Variants in KAZN observed in about 807,000 individuals in gnomAD.
KAZN encodes the protein kazrin.
In KAZN, 40 loss-of-function variants were observed where a neutral mutation model predicts 87.4. That is an observed-to-expected ratio of 0.46 (90% CI 0.36 to 0.60). The LOEUF (loss-of-function observed/expected upper bound fraction) is 0.60, where lower values mean the gene tolerates loss of function less well. Among genes scored for constraint, KAZN ranks in the 20% least tolerant of loss-of-function variants. The pLI, the probability that KAZN is intolerant of heterozygous loss-of-function variation, is 0.00. For synonymous variants in KAZN, 466 were observed against 458.3 expected (o/e 1.02, Z -0.22); for missense variants, 898 against 1,073.9 (o/e 0.84, Z 2.29).
chr1:14,285,786 T>C (rs1653200351), intron 2 of KAZN, among the ~76,000 whole-genome samples: 1 of 152,152 alleles, frequency 6.6e-6, no homozygotes, highest in South Asian at 2.1e-4. Flanking sequence ...GCAGATTATA[T>C]AGCAAATCCT....
At chr1:14,320,210 A>G in intron 2 of KAZN, among the ~76,000 whole-genome samples, 1 of 152,174 alleles carries the variant, frequency 6.6e-6, no homozygotes, top group Non-Finnish European at 1.5e-5. Flanking sequence ...ATGAGGAGGC[A>G]GGGAAGCGCA....
intron 2 of KAZN, among the ~76,000 whole-genome samples, chr1:14,436,581 G>A (rs889850436): frequency 1.3e-5 from 2 of 151,942 alleles, no homozygotes; most frequent in African/African-American, 4.8e-5. Context: ...AGCCAGGTGT[G>A]GTGGCAGGCA....
rs544490513 is a variant in KAZN at position 14,769,782 on chromosome 1, A to G, written c.226+170559A>G. ...ATTGACCATCCTCTGTGTGCTGCCAATGAGATTCCAGTGATAAATTACAGA... is the reference window on the plus strand; with the variant it reads ...ATTGACCATCCTCTGTGTGCTGCCAGTGAGATTCCAGTGATAAATTACAGA... On this transcript the variant is annotated intron_variant, in intron 1 of 14. Coordinates refer to ENST00000376030, the MANE Select transcript of KAZN (RefSeq NM_201628.3). The surrounding 1 kb of genome is among the most constrained non-coding windows in gnomAD (Gnocchi z 4.1). 1.3e-5 allele frequency among the ~76,000 whole-genome samples: 2 copies of G among 152,318 alleles called. No individual in the cohort carries two copies. Among genetic ancestry groups the G allele is most frequent in the South Asian group, 2.1e-4 (1 of 4,826 alleles).
intron 2 of KAZN, among the ~76,000 whole-genome samples, chr1:14,481,647 A>G (rs1013792214): frequency 6.6e-6 from 1 of 151,968 alleles, no homozygotes; most frequent in African/African-American, 2.4e-5. Flanking sequence ...TGAATAATTT[A>G]TCAAGTACTT....
intron 1 of KAZN, among the ~76,000 whole-genome samples, chr1:13,955,547 G>T (rs1378026545): frequency 1.3e-5 from 2 of 152,148 alleles, no homozygotes; most frequent in Non-Finnish European, 2.9e-5. Context: ...CATTGGGGAT[G>T]ATGGCATTTG....
In KAZN at chr1:14,691,930, T is replaced by C. The variant is rs1292622016; in HGVS notation, c.226+92707T>C. On this transcript the variant is annotated intron_variant, in intron 1 of 14. Transcript: ENST00000376030. ...TTATCTTATCTGCCAATTTCTTCCT[T>C]TTTTTTTTTTTTTACGATGAATTCA... Among the ~76,000 whole-genome samples the C allele has an allele frequency of 4.1e-3, 174 of 42,546 alleles. 2 individuals are homozygous for C. The South Asian group carries it at 0.11, about 26-fold the overall frequency. 27.9% of individuals were successfully genotyped at this position (42,546 alleles called of 152,430 possible). A position where few individuals can be genotyped will look rare whatever the true frequency, so the allele number is the denominator to read the frequency against.
rs547134521 is a variant in KAZN at position 14,994,088 on chromosome 1, G to A, written c.418+33213G>A. On this transcript the variant is annotated intron_variant, in intron 2 of 14. Coordinates refer to ENST00000376030, the MANE Select transcript of KAZN (RefSeq NM_201628.3). ...TCTGCTTTGATCCCTGGGCCCCCAG[G>A]CCATGGAAGCAGGTCCCCTCTGCAA... 2.0e-5 allele frequency among the ~76,000 whole-genome samples: 3 copies of A among 152,358 alleles called. No individual in the cohort carries two copies. The East Asian group carries it at 5.8e-4, about 29-fold the overall frequency.
intron 1 of KAZN, among the ~76,000 whole-genome samples, chr1:14,076,078 G>A (rs190061455): frequency 1.9e-4 from 29 of 152,188 alleles, no homozygotes; most frequent in African/African-American, 6.3e-4. Context: ...TCAGGAGATT[G>A]AGACCATCCT....
At chr1:15,060,551 G>A (rs1010186954) in intron 6 of KAZN, 12 of 521,620 alleles carry the variant, frequency 2.3e-5, no homozygotes, top group African/African-American at 9.6e-5. Flanking sequence ...GGCCTGGGTC[G>A]GCCGCAGGCA....
chr1:15,031,324 A>G (rs1671672877), intron 2 of KAZN, among the ~76,000 whole-genome samples: 1 of 152,156 alleles, frequency 6.6e-6, no homozygotes, highest in African/African-American at 2.4e-5. Context: ...CACCACCTCC[A>G]CAACTCCAGA....
chr1:14,628,698 G>A (rs1408071852), intron 1 of KAZN, among the ~76,000 whole-genome samples: 1 of 152,134 alleles, frequency 6.6e-6, no homozygotes, highest in Non-Finnish European at 1.5e-5. Flanking sequence ...ACAAGGGGTG[G>A]GTCCCACCGT....
chr1:14,739,473 G>A (rs541760762), intron 1 of KAZN, among the ~76,000 whole-genome samples: 1 of 152,048 alleles, frequency 6.6e-6, no homozygotes, highest in East Asian at 2.0e-4. Flanking sequence ...TGATAACTTC[G>A]CACCTCCTAA....
chr1:15,044,187 C>A, intron 4 of KAZN, 28 bp downstream of exon 4: 1 of 1,399,470 alleles, frequency 7.1e-7, no homozygotes, highest in Non-Finnish European at 9.5e-7. Flanking sequence ...CCAGGTGGGC[C>A]TGGCATCTGC....
chr1:14,573,242 G>T (rs578072540), intron 2 of KAZN, among the ~76,000 whole-genome samples: 1 of 152,276 alleles, frequency 6.6e-6, no homozygotes, highest in South Asian at 2.1e-4. Context: ...TCCCAATAAT[G>T]CATAGCGCAC....
At chr1:14,363,922 T>C (rs1300752864) in intron 2 of KAZN, among the ~76,000 whole-genome samples, 1 of 152,142 alleles carries the variant, frequency 6.6e-6, no homozygotes, top group Non-Finnish European at 1.5e-5. Flanking sequence ...TGTGTGTATG[T>C]ATTTTTTGGT....
chr1:14,118,596 T>C (rs778550502), intron 1 of KAZN, among the ~76,000 whole-genome samples: 2 of 152,222 alleles, frequency 1.3e-5, no homozygotes, highest in African/African-American at 2.4e-5. Context: ...ATTTTTGCCT[T>C]ACATGCTGAC....
intron 1 of KAZN, among the ~76,000 whole-genome samples, chr1:14,667,032 T>C (rs1639605757): frequency 6.6e-6 from 1 of 152,180 alleles, no homozygotes; most frequent in Non-Finnish European, 1.5e-5. Context: ...ACCGTTGAAT[T>C]TAAGGCCCAC....
chr1:14,751,204 C>T lies in KAZN; in HGVS notation c.226+151981C>T, dbSNP rs1286667348. On this transcript the variant is annotated intron_variant, in intron 1 of 14. Coordinates refer to ENST00000376030, the MANE Select transcript of KAZN (RefSeq NM_201628.3). ...CACCTAAGGATGATCGCCATTAACA[C>T]TTTGGTGAGCTTCCCCTAGATCTTT... Among the ~76,000 whole-genome samples the T allele has an allele frequency of 2.0e-5, 3 of 152,170 alleles. No individual in the cohort carries two copies. The South Asian group carries it at 6.2e-4, about 31-fold the overall frequency.
At chr1:14,408,694 C>A (rs780078172) in intron 2 of KAZN, among the ~76,000 whole-genome samples, 10 of 152,084 alleles carry the variant, frequency 6.6e-5, no homozygotes, top group Non-Finnish European at 1.2e-4. Context: ...TTCTTAGAGG[C>A]CACATATGAT....
Sources: gnomAD v4.1 joint callset for allele counts (sites outside exome capture counted in the v4.1 genomes callset) on GRCh38, gnomAD v4.1.1 for gene constraint, Gnocchi (gnomAD v3.1) non-coding constraint, MANE v1.5 for transcripts, NCBI Gene and HGNC (gene_info 2026-07-23, HGNC 2026-07-21) for gene names.